TFCP2: variants seen among roughly 807,000 people sequenced by gnomAD.
TFCP2 encodes the protein transcription factor CP2.
TFCP2 carries 33 observed loss-of-function variants against 73.4 expected under a neutral mutation model. The observed-to-expected ratio is 0.45, with a 90% confidence interval of 0.34 to 0.60. The LOEUF (loss-of-function observed/expected upper bound fraction) is 0.60, where lower values mean the gene tolerates loss of function less well. Among genes scored for constraint, TFCP2 ranks in the 20% least tolerant of loss-of-function variants. TFCP2 has a pLI of 0.01. For missense variants in TFCP2, 352 were observed against 604.0 expected (o/e 0.58, Z 4.37); for synonymous variants, 193 against 211.6 (o/e 0.91, Z 0.76).
chr12:51,152,209 C>T (rs948733735), intron 1 of TFCP2, among the ~76,000 whole-genome samples: 9 of 152,160 alleles, frequency 5.9e-5, no homozygotes, highest in Admixed American at 3.9e-4. Flanking sequence ...GAGAACTCAG[C>T]ATCACTTCTT....
intron 5 of TFCP2, 151 bp downstream of exon 5, chr12:51,110,726 T>C (rs551602738): frequency 9.5e-5 from 50 of 526,692 alleles, no homozygotes; most frequent in Admixed American, 5.0e-4. Flanking sequence ...AACTCCTCAA[T>C]GCTCTCAGGC....
At chr12:51,150,774 C>T (rs1683844782) in intron 1 of TFCP2, among the ~76,000 whole-genome samples, 4 of 152,214 alleles carry the variant, frequency 2.6e-5, no homozygotes, top group Admixed American at 2.0e-4. Context: ...TCAGGAACTG[C>T]TATAGTACTT....
intron 1 of TFCP2, among the ~76,000 whole-genome samples, chr12:51,122,754 TAG>T (rs1374208263): frequency 2.6e-5 from 4 of 152,130 alleles, no homozygotes; most frequent in African/African-American, 2.4e-5. Flanking sequence ...TGTAGAAACA[TAG>T]AGTTTTCTAA....
chr12:51,116,260 A>T, intron 4 of TFCP2, 55 bp downstream of exon 4: 1 of 935,140 alleles, frequency 1.1e-6, no homozygotes, highest in Non-Finnish European at 1.6e-6. Flanking sequence ...AAAGAAAACC[A>T]ACTCTGGGTC....
At chr12:51,098,739 T>A (rs1207671172) in intron 13 of TFCP2, 37 bp downstream of exon 13, 7 of 1,611,510 alleles carry the variant, frequency 4.3e-6, no homozygotes, top group Non-Finnish European at 5.1e-6. Flanking sequence ...GACAAATTAA[T>A]CATCATCTGG....
chr12:51,105,110 T>C (rs1940198541), intron 8 of TFCP2, among the ~76,000 whole-genome samples: 1 of 151,682 alleles, frequency 6.6e-6, no homozygotes, highest in Non-Finnish European at 1.5e-5. Context: ...CTTTTTTTTT[T>C]TGAGACGGAG....
intron 1 of TFCP2, among the ~76,000 whole-genome samples, chr12:51,122,643 ATGAGT>A (rs1413963849): frequency 1.3e-5 from 2 of 152,152 alleles, no homozygotes; most frequent in African/African-American, 2.4e-5. Context: ...CTTTGCTCAT[ATGAGT>A]TAAGAGTGGA....
intron 1 of TFCP2, among the ~76,000 whole-genome samples, chr12:51,170,343 C>CT (rs4026184): frequency 6.8e-6 from 1 of 147,126 alleles, no homozygotes; most frequent in Admixed American, 6.9e-5. Context: ...TAAAATCTTT[C>CT]TTTTTTTTTA....
At chr12:51,135,198 G>A (rs1357953077) in intron 1 of TFCP2, among the ~76,000 whole-genome samples, 5 of 151,786 alleles carry the variant, frequency 3.3e-5, no homozygotes, top group Non-Finnish European at 5.9e-5. Flanking sequence ...AGGCCGAGGC[G>A]GGCGGATCAC....
At position 51,149,024 on chromosome 12, in the gene TFCP2, C is replaced by CAAAAAAAAAAAAAAAAA. The variant is rs60318954; in HGVS notation, c.122+23260_122+23276dup. On this transcript the variant is annotated intron_variant, in intron 1 of 14. Coordinates refer to ENST00000257915, the MANE Select transcript of TFCP2 (RefSeq NM_005653.5). ...TGAGCAACAGAGCAAGACTCCATCT[C>CAAAAAAAAAAAAAAAAA]AAAAAAAAAAAAAAAAACAGAAAGA... 1.0e-3 allele frequency among the ~76,000 whole-genome samples: 38 copies of CAAAAAAAAAAAAAAAAA among 37,998 alleles called. 4 individuals carry two copies. The highest frequency in any genetic ancestry group is 1.2e-3 in the African/African-American group (13 of 11,064). 24.9% of individuals were successfully genotyped at this position (37,998 alleles called of 152,430 possible).
intron 1 of TFCP2, among the ~76,000 whole-genome samples, chr12:51,126,740 T>C (rs927203002): frequency 3.9e-5 from 6 of 152,176 alleles, no homozygotes; most frequent in African/African-American, 1.4e-4. Context: ...GAATAAGGCA[T>C]TTGAAACAAA....
chr12:51,149,749 A>T (rs1012794085), intron 1 of TFCP2, among the ~76,000 whole-genome samples: 1 of 151,988 alleles, frequency 6.6e-6, no homozygotes, highest in African/African-American at 2.4e-5. Context: ...ACAGGCATGC[A>T]TCACCACGCT....
rs1939897087 is a variant in TFCP2 at position 51,094,012 on chromosome 12, A to G, written c.*1229T>C. On this transcript the variant is annotated 3_prime_UTR_variant, in exon 15 of 15. Coordinates refer to ENST00000257915, the MANE Select transcript of TFCP2 (RefSeq NM_005653.5). The stretch of plus-strand genomic sequence containing the variant: ...ACACACACACACACACACACACACA[A>G]TCATTCTTAAGGAAGAACAAAAACA... 6.7e-6 allele frequency: 1 copy of G among 149,510 alleles called. No individual in the cohort carries two copies. Among genetic ancestry groups the G allele is most frequent in the African/African-American group, 2.5e-5 (1 of 39,958 alleles). The allele number at this position is 149,510 out of a possible 1,614,324, so 9.3% of individuals were successfully genotyped here. A position where few individuals can be genotyped will look rare whatever the true frequency, so the allele number is the denominator to read the frequency against.
At chr12:51,138,393 G>A (rs1941111322) in intron 1 of TFCP2, among the ~76,000 whole-genome samples, 1 of 152,158 alleles carries the variant, frequency 6.6e-6, no homozygotes, top group Admixed American at 6.6e-5. Flanking sequence ...CTGGCCTTAA[G>A]TGATCCAACC....
chr12:51,101,412 G>A (rs1302137765), intron 11 of TFCP2, among the ~76,000 whole-genome samples: 1 of 152,144 alleles, frequency 6.6e-6, no homozygotes, highest in African/African-American at 2.4e-5. Context: ...GCCTAGAACA[G>A]TCTCCCTTCC....
chr12:51,110,387 G>A (rs1259429459), intron 5 of TFCP2, among the ~76,000 whole-genome samples: 1 of 152,092 alleles, frequency 6.6e-6, no homozygotes, highest in Non-Finnish European at 1.5e-5. Flanking sequence ...TGGCTAGCAT[G>A]GCGAAATCCC....
rs1324688317 is a variant in TFCP2 at position 51,106,584 on chromosome 12, G to C, written c.858C>G (p.Val286=). The change falls in exon 8 of 15, where the codon GTC becomes GTG. Residue 286 remains valine (V), a synonymous_variant. Coordinates refer to ENST00000257915, the MANE Select transcript of TFCP2 (RefSeq NM_005653.5). The part of the protein sequence containing the change: ...ECSPWPEITY[V]NNSPSPGFNS... The stretch of plus-strand genomic sequence containing the variant: ...TGAAGCCAGGTGATGGGGAGTTATT[G>C]ACATACGTGATCTCGGGCCATGGAG... 1 of 1,613,600 alleles carries C rather than the reference G, an allele frequency of 6.2e-7. No homozygotes were observed. Among genetic ancestry groups the C allele is most frequent in the Admixed American group, 1.7e-5 (1 of 59,950 alleles).
chr12:51,101,861 T>C (rs1040693169), intron 11 of TFCP2, 74 bp downstream of exon 11: 3 of 897,468 alleles, frequency 3.3e-6, no homozygotes, highest in Non-Finnish European at 5.6e-6. Context: ...CTGTGTAGAG[T>C]ATTGTGAAGA....
At chr12:51,104,781 G>A (rs959636553) in intron 8 of TFCP2, among the ~76,000 whole-genome samples, 33 of 149,360 alleles carry the variant, frequency 2.2e-4, no homozygotes, top group Non-Finnish European at 3.4e-4. Flanking sequence ...GCATGATCTC[G>A]GCTCACTGCA....
Sources: gnomAD v4.1 joint callset for allele counts (sites outside exome capture counted in the v4.1 genomes callset) on GRCh38, gnomAD v4.1.1 for gene constraint, MANE v1.5 for transcripts, NCBI Gene and HGNC (gene_info 2026-07-23, HGNC 2026-07-21) for gene names.